The following SP3 variants were observed in gnomAD, a reference collection of about 807,000 sequenced individuals.
SP3 encodes transcription factor Sp3.
Under a neutral mutation model 70.3 loss-of-function variants are expected in SP3, and 10 were observed. The observed-to-expected ratio is 0.14, with a 90% CI of 0.09 to 0.24. SP3 has a LOEUF of 0.24. SP3 is among the 10% of genes least tolerant of loss of function. The pLI, the probability that SP3 is intolerant of heterozygous loss-of-function variation, is 1.00. For synonymous variants in SP3, 402 were observed against 333.5 expected (o/e 1.21, Z -2.24); for missense variants, 825 against 914.6 (o/e 0.90, Z 1.26).
At position 173,901,426 on chromosome 2, in the gene SP3, GATTA is replaced by G. The variant is rs534819343; in HGVS notation, c.*8511_*8514del. 1.5e-4 allele frequency among the ~76,000 whole-genome samples: 23 copies of G among 151,948 alleles called. No homozygotes were observed. In the South Asian group the frequency reaches 3.3e-3, roughly 22 times the overall value. On this transcript the variant is annotated 3_prime_UTR_variant, in exon 7 of 7. Coordinates refer to ENST00000310015, the MANE Select transcript of SP3 (RefSeq NM_003111.5). ...TATATATAAAATAATATGTACCTGG[GATTA>G]ATTAAGAATGTTTGAAGATCAATGC...
intron 2 of SP3, 45 bp downstream of exon 2, chr2:173,964,360 A>G: frequency 3.2e-6 from 2 of 620,708 alleles, no homozygotes; most frequent in Non-Finnish European, 2.9e-6. Flanking sequence ...GGGAGGAGAA[A>G]GCGGCGCGAG....
At chr2:173,940,630 T>C (rs146120199) in intron 4 of SP3, among the ~76,000 whole-genome samples, 4 of 152,290 alleles carry the variant, frequency 2.6e-5, no homozygotes, top group East Asian at 1.9e-4. Context: ...AGATTGAAGT[T>C]TGCATGTGTG....
intron 4 of SP3, among the ~76,000 whole-genome samples, chr2:173,952,362 CAAACCA>C: frequency 6.6e-6 from 1 of 152,224 alleles, no homozygotes; most frequent in South Asian, 2.1e-4. Context: ...GTAGGAACTA[CAAACCA>C]AAACCATAAA....
rs748679216 is a variant in SP3 at position 173,956,189 on chromosome 2, C to T, written c.323G>A (p.Arg108Gln). The change falls in exon 4 of 7, where the codon CGA becomes CAA. Residue 108 changes from arginine to glutamine, a missense_variant. Coordinates refer to ENST00000310015, the MANE Select transcript of SP3 (RefSeq NM_003111.5). ...AGGTGTGGCTGACAAAACCTCCCAT[C>T]GGTTTGGTGCTCCTCCTAACTGTGC... is the stretch of plus-strand genomic sequence containing the variant. Reference protein sequence around the residue: ...ASAQLGGAPNRWEVLSATPTT... With the variant: ...ASAQLGGAPNQWEVLSATPTT... The T allele has an allele frequency of 7.4e-6, 12 of 1,613,484 alleles. No individual in the cohort carries two copies. Among genetic ancestry groups the T allele is most frequent in the African/African-American group, 2.7e-5 (2 of 74,908 alleles).
At position 173,903,329 on chromosome 2, in the gene SP3, AAG is replaced by A; in HGVS notation, c.*6610_*6611del. Among the ~76,000 whole-genome samples the A allele has an allele frequency of 6.6e-6, 1 of 152,364 alleles. No homozygotes were observed. The highest frequency in any genetic ancestry group is 1.9e-4 in the East Asian group (1 of 5,190). On this transcript the variant is annotated 3_prime_UTR_variant, in exon 7 of 7. Transcript: ENST00000310015. ...TCATTTTATAGTTAGAGAACAGGCT[AAG>A]AGTGGAAAGGTAAAGAGTGAAAGGT...
At position 173,901,936 on chromosome 2, in the gene SP3, A is replaced by G. The variant is rs1252957416; in HGVS notation, c.*8005T>C. 1.3e-5 allele frequency among the ~76,000 whole-genome samples: 2 copies of G among 151,900 alleles called. No individual in the cohort carries two copies. Among genetic ancestry groups the G allele is most frequent in the Admixed American group, 6.6e-5 (1 of 15,254 alleles). ...CTGCTGACCTCAAGCAATCCGCTCG[A>G]CTCAGCTTCCCAAAGTGCTGGGACC... On this transcript the variant is annotated 3_prime_UTR_variant, in exon 7 of 7. Transcript: ENST00000310015.
At position 173,918,778 on chromosome 2, in the gene SP3, C is replaced by T. The variant is rs545482416; in HGVS notation, c.1647G>A (p.Arg549=). The change falls in exon 5 of 7, where the codon AGG becomes AGA. Residue 549 remains arginine (R), a synonymous_variant. Coordinates refer to ENST00000310015, the MANE Select transcript of SP3 (RefSeq NM_003111.5). ...CAGGATCAGGTTCTTCTTCCTTGAT[C>T]CTAATATCTAAAGGGAAAAAAAAAC... ...GENADSPADI[R]IKEEEPDPEE... is the part of the protein sequence containing the mutation. The T allele has an allele frequency of 4.4e-6, 7 of 1,607,960 alleles. No homozygotes were observed. In the South Asian group the frequency reaches 7.8e-5, roughly 18 times the overall value.
At chr2:173,949,037 ATGT>A (rs2105491376) in intron 4 of SP3, among the ~76,000 whole-genome samples, 1 of 152,242 alleles carries the variant, frequency 6.6e-6, no homozygotes, top group East Asian at 1.9e-4. Flanking sequence ...ACAACCTTTT[ATGT>A]TGTGTAAGAG....
At chr2:173,932,429 G>T (rs1690090810) in intron 4 of SP3, among the ~76,000 whole-genome samples, 1 of 152,100 alleles carries the variant, frequency 6.6e-6, no homozygotes, top group Non-Finnish European at 1.5e-5. Context: ...GACCTCAACT[G>T]ATCCGCCCAT....
At position 173,964,837 on chromosome 2, in the gene SP3, C is replaced by CCGCTCGCTCTCACTCG. The variant is rs1412029532; in HGVS notation, c.8-300_8-285dup. On this transcript the variant is annotated intron_variant, in intron 1 of 6. Transcript: ENST00000310015. ...TCCTCTCCTCCCCTTTCCCTTCGCG[C>CCGCTCGCTCTCACTCG]CGCTCGCTCTCACTCGCGCTCGCTC... is the stretch of plus-strand genomic sequence containing the variant. The CCGCTCGCTCTCACTCG allele has an allele frequency of 2.3e-5, 11 of 480,914 alleles. No homozygotes were observed. In the East Asian group the frequency reaches 2.5e-4, roughly 11 times the overall value. 29.8% of individuals were successfully genotyped at this position (480,914 alleles called of 1,614,324 possible).
intron 3 of SP3, among the ~76,000 whole-genome samples, chr2:173,959,925 C>CAAACA (rs1201264767): frequency 6.6e-6 from 1 of 152,158 alleles, no homozygotes; most frequent in East Asian, 1.9e-4. Context: ...GGACAATTAA[C>CAAACA]AAACAAAACC....
chr2:173,918,829 T>C, intron 4 of SP3, 44 bp from the exon 5 acceptor site: 2 of 1,537,228 alleles, frequency 1.3e-6, no homozygotes, highest in Non-Finnish European at 1.8e-6. Context: ...AGCAACCAAA[T>C]GGCCCAAAAA....
chr2:173,960,921 A>G (rs1489708997), intron 3 of SP3, among the ~76,000 whole-genome samples: 1 of 152,178 alleles, frequency 6.6e-6, no homozygotes, highest in African/African-American at 2.4e-5. Context: ...GCCTGCAGTG[A>G]GCCGAGATCG....
chr2:173,933,204 T>C (rs1690113402), intron 4 of SP3, among the ~76,000 whole-genome samples: 1 of 151,512 alleles, frequency 6.6e-6, no homozygotes, highest in Admixed American at 6.6e-5. Context: ...AAGAATTAAA[T>C]TTCAATCTTT....
rs907130245 is a variant in SP3, at chr2:173,903,259, A to T, written c.*6682T>A. Among the ~76,000 whole-genome samples the T allele has an allele frequency of 4.6e-5, 7 of 150,558 alleles. No individual in the cohort carries two copies. The highest frequency in any genetic ancestry group is 1.8e-4 in the African/African-American group (7 of 39,888). On this transcript the variant is annotated 3_prime_UTR_variant, in exon 7 of 7. Coordinates refer to ENST00000310015, the MANE Select transcript of SP3 (RefSeq NM_003111.5). ...GAAAGTGGTTTACATGCATTAACTT[A>T]TTTATCTCCATAATCACTCTATGAA...
At position 173,964,393 on chromosome 2, in the gene SP3, G is replaced by C. The variant is rs1370628710; in HGVS notation, c.156+12C>G. 4 of 706,216 alleles carry C rather than the reference G, an allele frequency of 5.7e-6. No individual in the cohort carries two copies. Among genetic ancestry groups the C allele is most frequent in the East Asian group, 5.7e-5 (2 of 34,904 alleles). 43.7% of individuals were successfully genotyped at this position (706,216 alleles called of 1,614,324 possible). A position where few individuals can be genotyped will look rare whatever the true frequency, so the allele number is the denominator to read the frequency against. ...GAGGGGGGAGCCGGGCCGGGGTTCA[G>C]CCGCTCCTCACCTGGGCCGCCGCTG... On this transcript the variant is annotated intron_variant, in intron 2 of 6. Coordinates refer to ENST00000310015, the MANE Select transcript of SP3 (RefSeq NM_003111.5).
At chr2:173,915,590 AAAGTT>A (rs1249820276) in intron 5 of SP3, 1 of 152,112 alleles carries the variant, frequency 6.6e-6, no homozygotes. Flanking sequence ...GGAGTTAAGA[AAAGTT>A]AAGTAAATAC....
Position 173,910,149 on chromosome 2 carries a change from C to T in SP3, c.2138G>A (p.Ser713Asn). The T allele has an allele frequency of 6.2e-7, 1 of 1,613,812 alleles. No individual in the cohort carries two copies. The change falls in exon 7 of 7, where the codon AGT becomes AAT. Residue 713 changes from serine (S) to asparagine (N), a missense_variant. Ser to Asn is a conservative substitution (Grantham distance 46). Transcript: ENST00000310015. The part of the protein sequence containing the change: ...HQNKKGIHSS[S>N]TVLASVEAAR... ...AGCTTCCACAGATGCCAGCACTGTA[C>T]TGCTAGAGTGAATACCTTTTTTATT...
chr2:173,923,261 TA>T (rs1329610829), intron 4 of SP3, among the ~76,000 whole-genome samples: 8 of 150,518 alleles, frequency 5.3e-5, no homozygotes, highest in Non-Finnish European at 1.2e-4. Context: ...GGCCTACCAA[TA>T]AAACAAGCTT....
Sources: allele counts gnomAD v4.1 joint callset (sites outside exome capture counted in the v4.1 genomes callset), GRCh38; gene constraint gnomAD v4.1.1; transcripts MANE v1.5; gene names NCBI Gene and HGNC (gene_info 2026-07-23, HGNC 2026-07-21).